DIAPH3: variants seen among roughly 807,000 people sequenced by gnomAD.
DIAPH3 encodes the protein protein diaphanous homolog 3.
A neutral mutation model predicts 144.3 loss-of-function variants in DIAPH3; 117 were observed. The ratio of observed to expected loss-of-function variants is 0.81; its 90% CI spans 0.70 to 0.95. The LOEUF is 0.95. Ranked by LOEUF, DIAPH3 falls within the 40% of genes least tolerant of loss-of-function variation. The pLI, the probability that DIAPH3 is intolerant of heterozygous loss-of-function variation, is 0.00. For synonymous variants in DIAPH3, 519 were observed against 488.9 expected, an observed-to-expected ratio of 1.06 and a Z score of -0.81; for missense variants, 1,421 against 1,412.7, an observed-to-expected ratio of 1.01 and a Z score of -0.09.
intron 17 of DIAPH3, among the ~76,000 whole-genome samples, chr13:59,948,674 T>C (rs530985801): frequency 6.6e-6 from 1 of 152,264 alleles, no homozygotes; most frequent in East Asian, 1.9e-4. Context: ...TTGCCCAAGC[T>C]GGTCTTAAAC....
intron 24 of DIAPH3, among the ~76,000 whole-genome samples, chr13:59,812,232 T>G (rs2040517225): frequency 6.6e-6 from 1 of 151,788 alleles, no homozygotes; most frequent in Non-Finnish European, 1.5e-5. Context: ...GAGGGGACAG[T>G]AACTCATGCA....
At chr13:59,942,124 T>C (rs1367331799) in intron 17 of DIAPH3, among the ~76,000 whole-genome samples, 2 of 152,190 alleles carry the variant, frequency 1.3e-5, no homozygotes, top group African/African-American at 2.4e-5. Context: ...TGAGCAAATA[T>C]TCTTCAGGAT....
chr13:59,795,739 C>A (rs2039567260), intron 25 of DIAPH3, among the ~76,000 whole-genome samples: 1 of 152,096 alleles, frequency 6.6e-6, no homozygotes, highest in African/African-American at 2.4e-5. Context: ...AGGCGTGAAA[C>A]ACTGCGCCTG....
chr13:59,902,591 T>C (rs1050146074), intron 20 of DIAPH3, among the ~76,000 whole-genome samples: 3 of 152,116 alleles, frequency 2.0e-5, no homozygotes, highest in African/African-American at 4.8e-5. Flanking sequence ...CTGGCCAACA[T>C]GGTGAAACCC....
At chr13:59,837,414 G>A (rs756941241) in intron 23 of DIAPH3, among the ~76,000 whole-genome samples, 5 of 151,946 alleles carry the variant, frequency 3.3e-5, no homozygotes, top group East Asian at 1.9e-4. Flanking sequence ...TCCTGAGATC[G>A]TGTGCTAAGC....
intron 5 of DIAPH3, among the ~76,000 whole-genome samples, chr13:60,024,629 C>G (rs1323295081): frequency 6.6e-6 from 1 of 151,980 alleles, no homozygotes; most frequent in Non-Finnish European, 1.5e-5. Flanking sequence ...TTTTTTCATT[C>G]AGTTTGTGAT....
chr13:59,802,122 C>T (rs1018050466), intron 25 of DIAPH3, among the ~76,000 whole-genome samples: 20 of 152,178 alleles, frequency 1.3e-4, no homozygotes, highest in African/African-American at 4.8e-4. Flanking sequence ...AAAAACCTGG[C>T]TCCACCTATG....
At chr13:60,130,205 A>G (rs1323627733) in intron 2 of DIAPH3, among the ~76,000 whole-genome samples, 3 of 152,218 alleles carry the variant, frequency 2.0e-5, no homozygotes, top group African/African-American at 7.2e-5. Context: ...TGAATAAGAA[A>G]GAATTTACTC....
intron 5 of DIAPH3, among the ~76,000 whole-genome samples, chr13:60,041,749 C>T (rs1393050569): frequency 1.3e-5 from 2 of 152,072 alleles, no homozygotes; most frequent in African/African-American, 4.8e-5. Flanking sequence ...TCATTTCTTA[C>T]ACAATAAAAA....
intron 27 of DIAPH3, among the ~76,000 whole-genome samples, chr13:59,742,002 C>T (rs573014756): frequency 6.6e-5 from 10 of 152,228 alleles, no homozygotes; most frequent in South Asian, 4.1e-4. Flanking sequence ...CAGTTCCACA[C>T]GGCTGGGGAG....
At chr13:60,159,300 C>T (rs1952175155) in intron 1 of DIAPH3, among the ~76,000 whole-genome samples, 1 of 152,142 alleles carries the variant, frequency 6.6e-6, no homozygotes, top group South Asian at 2.1e-4. Context: ...TTCCCAACAG[C>T]TATGGGAGAG....
At chr13:59,840,835 A>G (rs1213073627) in intron 22 of DIAPH3, among the ~76,000 whole-genome samples, 1 of 150,256 alleles carries the variant, frequency 6.7e-6, no homozygotes, top group African/African-American at 2.4e-5. Context: ...TTTCCTTCTC[A>G]CGTATTCCCT....
intron 1 of DIAPH3, among the ~76,000 whole-genome samples, chr13:60,139,249 G>C (rs191324510): frequency 6.6e-6 from 1 of 152,150 alleles, no homozygotes; most frequent in Non-Finnish European, 1.5e-5. Context: ...CAAGAGTAGA[G>C]CTGGCTCTTT....
At chr13:60,161,389 G>A (rs765193915) in intron 1 of DIAPH3, among the ~76,000 whole-genome samples, 2 of 152,190 alleles carry the variant, frequency 1.3e-5, no homozygotes, top group Non-Finnish European at 2.9e-5. Flanking sequence ...AAGAGTTACT[G>A]GTGTGCAATC....
chr13:60,126,467 G>A (rs906882996), intron 2 of DIAPH3, among the ~76,000 whole-genome samples: 14 of 152,234 alleles, frequency 9.2e-5, no homozygotes, highest in East Asian at 3.9e-4. Context: ...TTCAAAATAC[G>A]TGAAGCAAAA....
Position 59,833,103 on chromosome 13 carries a change from A to G in DIAPH3, c.3027+4T>C, listed in dbSNP as rs1188964362. On this transcript the variant is annotated splice_donor_region_variant and intron_variant, in intron 24 of 27. Transcript: ENST00000400324. Reference sequence around the variant, plus strand: ...CTTTTTAAAAAACAATTTTTTTACCATACCATGAATGTGGTTCTGAAGTTA... The same window carrying G: ...CTTTTTAAAAAACAATTTTTTTACCGTACCATGAATGTGGTTCTGAAGTTA... The G allele has an allele frequency of 6.2e-7, 1 of 1,606,538 alleles. No individual in the cohort carries two copies. Among genetic ancestry groups the G allele is most frequent in the Non-Finnish European group, 8.5e-7 (1 of 1,176,358 alleles).
In DIAPH3 at chr13:60,112,214, T is replaced by G. The variant is rs559778752; in HGVS notation, c.214-28A>C. 6.8e-6 allele frequency: 11 copies of G among 1,612,538 alleles called. No individual in the cohort carries two copies. The African/African-American group carries it at 1.3e-4, about 20-fold the overall frequency. ...ACAAAGAAAGACAGAATGACACACG[T>G]GTAAGTATTTCCTTTCCCAACATTT... is the stretch of plus-strand genomic sequence containing the variant. On this transcript the variant is annotated intron_variant, in intron 2 of 27. Coordinates refer to ENST00000400324, the MANE Select transcript of DIAPH3 (RefSeq NM_001042517.2).
At chr13:60,002,618 C>G (rs1433350481) in intron 9 of DIAPH3, among the ~76,000 whole-genome samples, 1 of 152,154 alleles carries the variant, frequency 6.6e-6, no homozygotes, top group Non-Finnish European at 1.5e-5. Flanking sequence ...CGTCTAAGAC[C>G]ATTCATGTTC....
intron 4 of DIAPH3, among the ~76,000 whole-genome samples, chr13:60,058,359 GA>G (rs2056634870): frequency 6.6e-6 from 1 of 151,944 alleles, no homozygotes; most frequent in Non-Finnish European, 1.5e-5. Flanking sequence ...TACTCAGCTA[GA>G]ATGATCGTTA....
Sources: gnomAD v4.1 joint callset for allele counts (sites outside exome capture counted in the v4.1 genomes callset) on GRCh38, gnomAD v4.1.1 for gene constraint, MANE v1.5 for transcripts, NCBI Gene and HGNC (gene_info 2026-07-23, HGNC 2026-07-21) for gene names.